The following PKNOX2 variants were observed in gnomAD, a reference collection of about 807,000 sequenced individuals.
PKNOX2 encodes the protein homeobox protein PKNOX2.
A neutral mutation model predicts 53.1 loss-of-function variants in PKNOX2; 14 were observed. The ratio of observed to expected loss-of-function variants is 0.26; its 90% confidence interval spans 0.17 to 0.41. The LOEUF (loss-of-function observed/expected upper bound fraction) is 0.41. Among genes scored for constraint, PKNOX2 ranks in the 10% least tolerant of loss-of-function variants. The pLI, the probability that PKNOX2 is intolerant of heterozygous loss-of-function variation, is 1.00. For synonymous variants in PKNOX2, 257 were observed against 242.8 expected, an observed-to-expected ratio of 1.06 and a Z score of -0.54; for missense variants, 496 against 602.8, an observed-to-expected ratio of 0.82 and a Z score of 1.85.
intron 3 of PKNOX2, among the ~76,000 whole-genome samples, chr11:125,333,100 G>C (rs117831190): frequency 1.7e-3 from 256 of 152,338 alleles, no homozygotes; most frequent in Non-Finnish European, 3.0e-3. Flanking sequence ...TTTGGAGTCT[G>C]TGTAGCAGAG....
At chr11:125,379,951 T>C (rs2135334005) in intron 5 of PKNOX2, among the ~76,000 whole-genome samples, 1 of 151,230 alleles carries the variant, frequency 6.6e-6, no homozygotes, top group South Asian at 2.1e-4. Context: ...ACTGCATATC[T>C]TAAGTTTGAT....
At chr11:125,427,037 G>T (rs1268107340) in intron 10 of PKNOX2, among the ~76,000 whole-genome samples, 1 of 152,186 alleles carries the variant, frequency 6.6e-6, no homozygotes, top group Non-Finnish European at 1.5e-5. Flanking sequence ...ACCTGGGAAG[G>T]CCAAAAAATC....
chr11:125,319,587 C>T (rs1212281508), intron 2 of PKNOX2, among the ~76,000 whole-genome samples: 3 of 152,164 alleles, frequency 2.0e-5, no homozygotes, highest in Non-Finnish European at 4.4e-5. Context: ...GGACTCTTGT[C>T]CACATGGAGT....
intron 3 of PKNOX2, among the ~76,000 whole-genome samples, chr11:125,340,638 T>G (rs1950634318): frequency 6.6e-6 from 1 of 152,198 alleles, no homozygotes; most frequent in Admixed American, 6.5e-5. Context: ...TAATTCTATA[T>G]TATCATCTCA....
chr11:125,244,352 C>A (rs1038956092), intron 2 of PKNOX2, among the ~76,000 whole-genome samples: 2 of 152,154 alleles, frequency 1.3e-5, no homozygotes, highest in Admixed American at 1.3e-4. Context: ...TGCCTGTTGC[C>A]GACCTCTAGA....
chr11:125,408,937 ATTTCCTTGACCATT>A (rs1565519009), intron 7 of PKNOX2, among the ~76,000 whole-genome samples: 2 of 152,124 alleles, frequency 1.3e-5, no homozygotes, highest in Non-Finnish European at 2.9e-5. Context: ...CATTTTGTCT[ATTTCCTTGACCATT>A]TACCTGTCTC....
intron 1 of PKNOX2, among the ~76,000 whole-genome samples, chr11:125,233,973 G>A (rs7942878): frequency 0.8 from 121,375 of 152,164 alleles, 49,301 homozygotes; most frequent in African/African-American, 0.95. Flanking sequence ...CTGAGCTGGC[G>A]CTACTCTCTC....
intron 2 of PKNOX2, among the ~76,000 whole-genome samples, chr11:125,290,191 G>A (rs1411854018): frequency 6.6e-6 from 1 of 152,174 alleles, no homozygotes; most frequent in East Asian, 1.9e-4. Context: ...TAATTCTCCA[G>A]CCCCTGGATC....
chr11:125,272,654 C>T (rs746911897), intron 2 of PKNOX2, among the ~76,000 whole-genome samples: 10 of 152,118 alleles, frequency 6.6e-5, no homozygotes, highest in Admixed American at 5.2e-4. Context: ...ACGCTTTGAT[C>T]GTGTCGCGTA....
intron 6 of PKNOX2, among the ~76,000 whole-genome samples, chr11:125,393,174 AAGAG>A (rs200542815): frequency 0.025 from 3,784 of 151,132 alleles, 88 homozygotes; most frequent in Non-Finnish European, 0.035. Context: ...AAAAAAAAAA[AAGAG>A]AGAAGAGAAA....
intron 2 of PKNOX2, among the ~76,000 whole-genome samples, chr11:125,301,939 C>T (rs1400398840): frequency 1.3e-5 from 2 of 152,336 alleles, no homozygotes; most frequent in South Asian, 2.1e-4. Flanking sequence ...CTACTGTGTG[C>T]AAAGTTCGGG....
intron 2 of PKNOX2, among the ~76,000 whole-genome samples, chr11:125,247,178 A>G (rs1943625491): frequency 1.3e-5 from 2 of 152,070 alleles, no homozygotes. Context: ...CTTTCCCGGC[A>G]GGATTTTGGG....
At chr11:125,184,374 G>A (rs1274312377) in intron 1 of PKNOX2, 2 of 152,260 alleles carry the variant, frequency 1.3e-5, no homozygotes, top group Admixed American at 1.3e-4. Context: ...AAAGGCCCAA[G>A]CCACACAGCT....
intron 10 of PKNOX2, among the ~76,000 whole-genome samples, chr11:125,413,563 T>C (rs551394810): frequency 2.4e-4 from 37 of 152,310 alleles, no homozygotes; most frequent in African/African-American, 8.7e-4. Context: ...CTCATTGTGG[T>C]GGGTGACATA....
At chr11:125,394,367 G>T (rs955888060) in intron 6 of PKNOX2, among the ~76,000 whole-genome samples, 1 of 152,204 alleles carries the variant, frequency 6.6e-6, no homozygotes, top group Admixed American at 6.5e-5. Context: ...CCACAGAGGT[G>T]GTACTTCTTA....
At chr11:125,421,876 T>C (rs1267761228) in intron 10 of PKNOX2, among the ~76,000 whole-genome samples, 2 of 152,116 alleles carry the variant, frequency 1.3e-5, no homozygotes, top group African/African-American at 4.8e-5. Flanking sequence ...ACTTACACCT[T>C]CTTGGGGTAT....
At chr11:125,237,380 C>A (rs1031114150) in intron 2 of PKNOX2, among the ~76,000 whole-genome samples, 1 of 152,186 alleles carries the variant, frequency 6.6e-6, no homozygotes, top group African/African-American at 2.4e-5. Context: ...CATAAATACC[C>A]CCCTTCTCCA....
At chr11:125,385,826 T>C (rs1389655966) in intron 6 of PKNOX2, 104 bp downstream of exon 6, 2 of 1,364,200 alleles carry the variant, frequency 1.5e-6, no homozygotes, top group Non-Finnish European at 2.0e-6. Flanking sequence ...AACAAAAGGT[T>C]TTGAGTGCCC....
intron 1 of PKNOX2, among the ~76,000 whole-genome samples, chr11:125,182,033 A>G (rs1956183661): frequency 6.6e-6 from 1 of 152,232 alleles, no homozygotes; most frequent in African/African-American, 2.4e-5. Context: ...CTTAGGGGAC[A>G]GGCCTAAAGC....
Sources: gnomAD v4.1 joint callset for allele counts (sites outside exome capture counted in the v4.1 genomes callset) on GRCh38, gnomAD v4.1.1 for gene constraint, MANE v1.5 for transcripts, NCBI Gene and HGNC (gene_info 2026-07-23, HGNC 2026-07-21) for gene names.